Variants in ARHGEF2 observed in about 807,000 individuals in gnomAD.
The protein encoded by ARHGEF2 is rho guanine nucleotide exchange factor 2.
In ARHGEF2, 22 loss-of-function variants were observed where a neutral mutation model predicts 121.0. The observed-to-expected ratio is 0.18, with a 90% CI of 0.13 to 0.26. The LOEUF (loss-of-function observed/expected upper bound fraction) is 0.26. Ranked by LOEUF, ARHGEF2 falls within the 10% of genes least tolerant of loss-of-function variation. The pLI, the probability that ARHGEF2 is intolerant of heterozygous loss-of-function variation, is 1.00. For missense variants in ARHGEF2, 907 were observed against 1,336.0 expected (o/e 0.68, Z 5.01); for synonymous variants, 487 against 530.0 (o/e 0.92, Z 1.11).
chr1:155,977,798 G>T (rs1018878379), intron 1 of ARHGEF2, among the ~76,000 whole-genome samples: 1 of 152,226 alleles, frequency 6.6e-6, no homozygotes, highest in Non-Finnish European at 1.5e-5. Flanking sequence ...ATCACAGCTG[G>T]AAAGTCCATT....
chr1:155,954,779 A>AT, intron 14 of ARHGEF2, 123 bp downstream of exon 14: 2 of 878,972 alleles, frequency 2.3e-6, no homozygotes, highest in East Asian at 2.6e-5. Flanking sequence ...TTCACTTAAT[A>AT]TGTTTCAGTT....
At chr1:155,959,139 T>C (rs560540196) in intron 11 of ARHGEF2, among the ~76,000 whole-genome samples, 1 of 152,312 alleles carries the variant, frequency 6.6e-6, no homozygotes, top group Non-Finnish European at 1.5e-5. Context: ...TTAACATAAC[T>C]CGTGTATTTT....
rs1274663043 is a variant in ARHGEF2, at chr1:155,978,289, G to A, written c.63+76C>T. 2.2e-6 allele frequency: 3 copies of A among 1,374,456 alleles called. No homozygotes were observed. The highest frequency in any genetic ancestry group is 5.6e-5 in the Admixed American group (2 of 35,754). The allele number at this position is 1,374,456 out of a possible 1,614,324, so 85.1% of individuals were successfully genotyped here. ...CGCCCAGAAAGCAGGCGGGGAGACA[G>A]GAGATGCACCGCGGGTGCCGGGGTT... On this transcript the variant is annotated intron_variant, in intron 1 of 21. Transcript: ENST00000361247. The surrounding 1 kb of genome is among the most constrained non-coding windows in gnomAD (Gnocchi z 4.1).
chr1:155,965,654 A>G lies in ARHGEF2; in HGVS notation c.447T>C (p.Ser149=), dbSNP rs767362856. The change falls in exon 5 of 22, where the codon AGT becomes AGC. Residue 149 remains serine, a synonymous_variant. Coordinates refer to ENST00000361247, the MANE Select transcript of ARHGEF2 (RefSeq NM_001162383.2). The surrounding 1 kb of genome is among the most constrained non-coding windows in gnomAD (Gnocchi z 6.0). ...ACCCAGCAATGTTGGTGGTAGAAAC[A>G]CTCTTGGCTAAAGACAAGGAGGAGC... The part of the protein sequence containing the change: ...RGRSSLSLAK[S]VSTTNIAGHF... The G allele has an allele frequency of 1.9e-6, 3 of 1,611,916 alleles. No individual in the cohort carries two copies. The highest frequency in any genetic ancestry group is 2.5e-6 in the Non-Finnish European group (3 of 1,179,630).
At position 155,947,891 on chromosome 1, in the gene ARHGEF2, C is replaced by T; in HGVS notation, c.*51G>A. On this transcript the variant is annotated 3_prime_UTR_variant, in exon 22 of 22. Transcript: ENST00000361247. ...GCAAATTGGAGTCCCCAAGGTTAGC[C>T]CCCTCAGTAATGTTCTTCAGTGGGG... is the stretch of plus-strand genomic sequence containing the variant. The T allele has an allele frequency of 8.6e-7, 1 of 1,168,254 alleles. No individual in the cohort carries two copies. Among genetic ancestry groups the T allele is most frequent in the Admixed American group, 2.3e-5 (1 of 44,336 alleles). The allele number at this position is 1,168,254 out of a possible 1,614,324, so 72.4% of individuals were successfully genotyped here.
At position 155,951,353 on chromosome 1, in the gene ARHGEF2, A is replaced by C; in HGVS notation, c.2260-81T>G. The C allele has an allele frequency of 6.4e-7, 1 of 1,565,666 alleles. No homozygotes were observed. Among genetic ancestry groups the C allele is most frequent in the Non-Finnish European group, 8.7e-7 (1 of 1,146,460 alleles). ...CTCGCCTTCACCCTCCAAGGCCCAG[A>C]TCATCGCTCCTGGAGAGCTTGGATT... On this transcript the variant is annotated intron_variant, in intron 19 of 21. Transcript: ENST00000361247. This position sits in a 1 kb window ranked among gnomAD's most constrained non-coding sequence, Gnocchi z 5.1.
In ARHGEF2 at chr1:155,951,189, G is replaced by A; in HGVS notation, c.2343C>T (p.Asn781=). Residue 781 remains asparagine, a synonymous_variant, in exon 20 of 22, where the codon AAC becomes AAT. Transcript: ENST00000361247. The surrounding 1 kb of genome is among the most constrained non-coding windows in gnomAD (Gnocchi z 5.1). ...CCCTGCCAGCCTCCCCATCCCGAGA[G>A]TTGGCTCGGCACAGCTTCTCCCGCC... The part of the protein sequence containing the change: ...PERREKLCRA[N]SRDGEAGRAG... 6.2e-7 allele frequency: 1 copy of A among 1,608,572 alleles called. No homozygotes were observed. The highest frequency in any genetic ancestry group is 8.5e-7 in the Non-Finnish European group (1 of 1,178,676).
At chr1:155,958,574 A>ATTTTT (rs397722034) in intron 11 of ARHGEF2, among the ~76,000 whole-genome samples, 178 bp from the exon 12 acceptor site, 1 of 122,274 alleles carries the variant, frequency 8.2e-6, no homozygotes, top group Non-Finnish European at 1.6e-5. Flanking sequence ...CACCCATTCT[A>ATTTTT]TTTTTTTTTT....
chr1:155,968,162 G>C (rs1679797296), intron 2 of ARHGEF2: 1 of 151,632 alleles, frequency 6.6e-6, no homozygotes, highest in Non-Finnish European at 1.5e-5. Context: ...AAATTGAACA[G>C]TGAGGAAAGT....
At chr1:155,971,883 TAA>T (rs58112413) in intron 1 of ARHGEF2, among the ~76,000 whole-genome samples, 1 of 140,400 alleles carries the variant, frequency 7.1e-6, no homozygotes, top group African/African-American at 2.6e-5. Context: ...CCCATCTCTA[TAA>T]AAAAAAAAAA....
At position 155,963,089 on chromosome 1, in the gene ARHGEF2, T is replaced by A. The variant is rs1415571158; in HGVS notation, c.819A>T (p.Pro273=). The A allele has an allele frequency of 1.9e-6, 3 of 1,614,014 alleles. No individual in the cohort carries two copies. Among genetic ancestry groups the A allele is most frequent in the Non-Finnish European group, 2.5e-6 (3 of 1,180,032 alleles). ...TGMLEELHLE[P]GVVQGLFPCV... Reference sequence around the variant, plus strand: ...AGGGGAACAGGCCCTGGACCACTCCTGGCTCCAAGTGTAGCTCTTCCAGCA... The same window carrying A: ...AGGGGAACAGGCCCTGGACCACTCCAGGCTCCAAGTGTAGCTCTTCCAGCA... Residue 273 remains proline, a synonymous_variant, in exon 8 of 22, where the codon CCA becomes CCT. Transcript: ENST00000361247.
intron 11 of ARHGEF2, among the ~76,000 whole-genome samples, chr1:155,959,599 C>G (rs929685097): frequency 6.6e-6 from 1 of 152,160 alleles, no homozygotes; most frequent in Non-Finnish European, 1.5e-5. Context: ...GGCTGGAGGG[C>G]AGTGGTGTGA....
In ARHGEF2 at chr1:155,965,259, C is replaced by T. The variant is rs370157169; in HGVS notation, c.580+44G>A. 1.2e-5 allele frequency: 20 copies of T among 1,608,520 alleles called. No individual in the cohort carries two copies. The African/African-American group carries it at 2.4e-4, about 19-fold the overall frequency. On this transcript the variant is annotated intron_variant, in intron 6 of 21. Coordinates refer to ENST00000361247, the MANE Select transcript of ARHGEF2 (RefSeq NM_001162383.2). The surrounding 1 kb of genome is among the most constrained non-coding windows in gnomAD (Gnocchi z 6.0). Reference sequence around the variant, plus strand: ...CCACCAGCCTCTCATCCCCCAGCCCCTCTTCATGTTCCTCAGGGCTCCCCT... The same window carrying T: ...CCACCAGCCTCTCATCCCCCAGCCCTTCTTCATGTTCCTCAGGGCTCCCCT...
intron 1 of ARHGEF2, chr1:155,970,443 A>G (rs1680237582): frequency 3.0e-6 from 3 of 985,296 alleles, no homozygotes; most frequent in East Asian, 1.1e-4. Flanking sequence ...TGTGACTCTG[A>G]TCTCTGGATT....
chr1:155,962,548 G>A lies in ARHGEF2; in HGVS notation c.1101+45C>T. The stretch of plus-strand genomic sequence containing the variant: ...GGCACTACCCCCATGAGTTGGGGAG[G>A]GTGGGTTTGGGCCATGAGCATGGGA... On this transcript the variant is annotated intron_variant, in intron 9 of 21. Transcript: ENST00000361247. This position sits in a 1 kb window ranked among gnomAD's most constrained non-coding sequence, Gnocchi z 5.8. 1 of 1,607,290 alleles carries A rather than the reference G, an allele frequency of 6.2e-7. No homozygotes were observed. The highest frequency in any genetic ancestry group is 2.2e-5 in the East Asian group (1 of 44,822).
At chr1:155,956,158 G>A (rs1676629530) in intron 13 of ARHGEF2, among the ~76,000 whole-genome samples, 1 of 151,988 alleles carries the variant, frequency 6.6e-6, no homozygotes, top group African/African-American at 2.4e-5. Context: ...GGAGTGCAGT[G>A]GCACAATCCT....
upstream of ARHGEF2, chr1:155,978,591 C>T (rs2102703369): frequency 1.6e-6 from 2 of 1,265,474 alleles, no homozygotes; most frequent in Admixed American, 3.9e-5. The surrounding 1 kb of genome is among the most constrained non-coding windows in gnomAD (Gnocchi z 4.1). Flanking sequence ...CCCGAGTCTC[C>T]TCCCCCGCCC....
chr1:155,949,211 C>G (rs1470639912), intron 21 of ARHGEF2, among the ~76,000 whole-genome samples: 1 of 151,468 alleles, frequency 6.6e-6, no homozygotes, highest in Non-Finnish European at 1.5e-5. Context: ...TGAGATTGTG[C>G]CACTGCACTC....
chr1:155,950,042 C>G lies in ARHGEF2; in HGVS notation c.2887+257G>C, dbSNP rs2102627376. Among the ~76,000 whole-genome samples, 1 of 152,144 alleles carries G rather than the reference C, an allele frequency of 6.6e-6. No individual in the cohort carries two copies. The highest frequency in any genetic ancestry group is 6.5e-5 in the Admixed American group (1 of 15,296). On this transcript the variant is annotated intron_variant, in intron 21 of 21. Transcript: ENST00000361247. This position sits in a 1 kb window ranked among gnomAD's most constrained non-coding sequence, Gnocchi z 5.2. Reference sequence around the variant, plus strand: ...CTCCCAAAGTGTTAGGATTACAGGCCTGAGCCGCCATGCCTTTTTAAAAAA... The same window carrying G: ...CTCCCAAAGTGTTAGGATTACAGGCGTGAGCCGCCATGCCTTTTTAAAAAA...
Sources: gnomAD v4.1 joint callset for allele counts (sites outside exome capture counted in the v4.1 genomes callset) on GRCh38, gnomAD v4.1.1 for gene constraint, Gnocchi (gnomAD v3.1) non-coding constraint, MANE v1.5 for transcripts, NCBI Gene and HGNC (gene_info 2026-07-23, HGNC 2026-07-21) for gene names.